Variants in DDR2 observed in about 807,000 individuals in gnomAD.
DDR2 encodes the protein discoidin domain-containing receptor 2.
In DDR2, 27 loss-of-function variants were observed where a neutral mutation model predicts 94.9. The ratio of observed to expected loss-of-function variants is 0.28; its 90% CI spans 0.21 to 0.39. DDR2 has a LOEUF of 0.39. DDR2 is among the 10% of genes least tolerant of loss of function. The probability of loss-of-function intolerance (pLI) is 1.00; values close to 1 mark genes in which losing one functional copy is unlikely to be tolerated. For missense variants in DDR2, 783 were observed against 1,076.0 expected (o/e 0.73, Z 3.81); for synonymous variants, 382 against 377.2 (o/e 1.01, Z -0.15).
chr1:162,655,739 C>T (rs921809537), intron 2 of DDR2, among the ~76,000 whole-genome samples: 2 of 152,054 alleles, frequency 1.3e-5, no homozygotes, highest in Admixed American at 6.6e-5. Flanking sequence ...AGGGTTCCAG[C>T]GTCAATCTGT....
In DDR2 at chr1:162,728,372, G is replaced by A. The variant is rs1350935991; in HGVS notation, c.82+9227G>A. Among the ~76,000 whole-genome samples the A allele has an allele frequency of 3.3e-5, 5 of 151,874 alleles. No individual in the cohort carries two copies. The East Asian group carries it at 9.7e-4, about 29-fold the overall frequency. ...AGCTGGAGCTGAAAGAATTTGCCAGGCCAGGTAAAAAGAGGAAGGGAAAGC... is the reference window on the plus strand; with the variant it reads ...AGCTGGAGCTGAAAGAATTTGCCAGACCAGGTAAAAAGAGGAAGGGAAAGC... On this transcript the variant is annotated intron_variant, in intron 3 of 17. Transcript: ENST00000367921.
At chr1:162,691,174 G>A (rs1659946679) in intron 2 of DDR2, among the ~76,000 whole-genome samples, 1 of 152,150 alleles carries the variant, frequency 6.6e-6, no homozygotes, top group African/African-American at 2.4e-5. Context: ...TGAGCTTTTG[G>A]CTCTAGGAAG....
chr1:162,666,516 C>G (rs1186525846), intron 2 of DDR2, among the ~76,000 whole-genome samples: 1 of 152,060 alleles, frequency 6.6e-6, no homozygotes, highest in Non-Finnish European at 1.5e-5. Context: ...GTTATGTAAT[C>G]TTGAGTAAAC....
At chr1:162,741,825 C>G in intron 3 of DDR2, 1 of 838,592 alleles carries the variant, frequency 1.2e-6, no homozygotes, top group Non-Finnish European at 1.4e-6. Context: ...CCAGAAGCCT[C>G]TCTTTATTCA....
At chr1:162,718,444 A>G (rs1377736840) in intron 2 of DDR2, among the ~76,000 whole-genome samples, 1 of 152,210 alleles carries the variant, frequency 6.6e-6, no homozygotes, top group Non-Finnish European at 1.5e-5. Flanking sequence ...ATATCTATAA[A>G]TATTTCCATA....
chr1:162,744,200 T>A (rs1327139869), intron 3 of DDR2, among the ~76,000 whole-genome samples: 1 of 152,206 alleles, frequency 6.6e-6, no homozygotes, highest in African/African-American at 2.4e-5. Flanking sequence ...AGTTTTTAAG[T>A]GTAATATACC....
intron 2 of DDR2, among the ~76,000 whole-genome samples, chr1:162,677,454 G>A (rs1190737151): frequency 6.6e-6 from 1 of 152,144 alleles, no homozygotes; most frequent in Non-Finnish European, 1.5e-5. Flanking sequence ...CTCTACTCAT[G>A]GATAAATCAG....
At position 162,728,882 on chromosome 1, in the gene DDR2, G is replaced by A. The variant is rs147941104; in HGVS notation, c.82+9737G>A. ...CAGCTCTGTCACTATCTAGCTTTGT[G>A]ACTTTAGGTAAATCTCTGCACCTCA... On this transcript the variant is annotated intron_variant, in intron 3 of 17. Coordinates refer to ENST00000367921, the MANE Select transcript of DDR2 (RefSeq NM_006182.4). Among the ~76,000 whole-genome samples, 602 of 152,076 alleles carry A rather than the reference G, an allele frequency of 4.0e-3. 8 individuals are homozygous for A. The East Asian group carries it at 0.041, about 10-fold the overall frequency.
intron 2 of DDR2, among the ~76,000 whole-genome samples, chr1:162,699,877 A>C (rs1338374495): frequency 6.6e-6 from 1 of 152,210 alleles, no homozygotes; most frequent in Admixed American, 6.5e-5. Flanking sequence ...ATTCACAAAT[A>C]AATAGTTTAG....
At position 162,761,470 on chromosome 1, in the gene DDR2, C is replaced by T; in HGVS notation, c.1099+16C>T. ...TTCCAATCAGGTAGGGAGCTCAGGT[C>T]CTCTTTGGGAAGTGGGAGCAAGGTG... On this transcript the variant is annotated intron_variant, in intron 9 of 17. Transcript: ENST00000367921. 2 of 1,614,074 alleles carry T rather than the reference C, an allele frequency of 1.2e-6. No homozygotes were observed. The highest frequency in any genetic ancestry group is 1.3e-5 in the African/African-American group (1 of 75,030).
intron 2 of DDR2, among the ~76,000 whole-genome samples, chr1:162,710,064 C>A (rs1032343167): frequency 1.1e-4 from 16 of 152,124 alleles, no homozygotes; most frequent in African/African-American, 3.1e-4. Context: ...CCATTCTGCC[C>A]CTGGAAGAGG....
At chr1:162,772,617 G>T (rs1459591159) in intron 13 of DDR2, among the ~76,000 whole-genome samples, 1 of 152,016 alleles carries the variant, frequency 6.6e-6, no homozygotes, top group African/African-American at 2.4e-5. Flanking sequence ...TAGCCACTTT[G>T]TTTTTTTCCC....
intron 3 of DDR2, among the ~76,000 whole-genome samples, chr1:162,735,246 G>A (rs936524901): frequency 6.6e-6 from 1 of 152,168 alleles, no homozygotes; most frequent in Non-Finnish European, 1.5e-5. Context: ...CCACTCTGCT[G>A]TCCACCACAC....
chr1:162,748,939 GA>G (rs1393051590), intron 3 of DDR2, among the ~76,000 whole-genome samples: 16 of 152,106 alleles, frequency 1.1e-4, no homozygotes, highest in Non-Finnish European at 1.8e-4. Flanking sequence ...CAGAAATAAA[GA>G]TGTTCTTTGA....
chr1:162,762,197 A>AT (rs1663779887), intron 9 of DDR2, among the ~76,000 whole-genome samples: 1 of 151,792 alleles, frequency 6.6e-6, no homozygotes, highest in Admixed American at 6.6e-5. Flanking sequence ...AATTCCTTCC[A>AT]TTTTTATTTC....
At chr1:162,748,479 A>G (rs765532105) in intron 3 of DDR2, among the ~76,000 whole-genome samples, 5 of 152,352 alleles carry the variant, frequency 3.3e-5, no homozygotes, top group Non-Finnish European at 7.3e-5. Flanking sequence ...CACCCAATAC[A>G]GGAGCACCCA....
At chr1:162,701,045 G>C (rs1312281742) in intron 2 of DDR2, among the ~76,000 whole-genome samples, 1 of 149,414 alleles carries the variant, frequency 6.7e-6, no homozygotes, top group Non-Finnish European at 1.5e-5. Flanking sequence ...TTAGGACTTG[G>C]GGAGATCTGG....
intron 9 of DDR2, among the ~76,000 whole-genome samples, chr1:162,762,688 G>T (rs1663803493): frequency 6.6e-6 from 1 of 152,034 alleles, no homozygotes; most frequent in Non-Finnish European, 1.5e-5. Flanking sequence ...CCCTTTAATT[G>T]TTAATTTTCA....
chr1:162,668,020 G>C (rs932958745), intron 2 of DDR2, among the ~76,000 whole-genome samples: 3 of 152,204 alleles, frequency 2.0e-5, no homozygotes, highest in Non-Finnish European at 2.9e-5. Context: ...AGTGAGGTAG[G>C]GGGAGTGGGG....
Sources: gnomAD v4.1 joint callset for allele counts (sites outside exome capture counted in the v4.1 genomes callset) on GRCh38, gnomAD v4.1.1 for gene constraint, MANE v1.5 for transcripts, NCBI Gene and HGNC (gene_info 2026-07-23, HGNC 2026-07-21) for gene names.